The following NXPE2 variants were observed in gnomAD, a reference collection of about 807,000 sequenced individuals.
NXPE2 encodes neurexophilin and PC-esterase domain family member 2.
A neutral mutation model predicts 34.4 loss-of-function variants in NXPE2; 34 were observed. That is an observed-to-expected ratio of 0.99 (90% CI 0.75 to 1.31). The LOEUF (loss-of-function observed/expected upper bound fraction) is 1.31. NXPE2 is among the 40% of genes most tolerant of loss of function. The pLI, the probability that NXPE2 is intolerant of heterozygous loss-of-function variation, is 0.00. For synonymous variants in NXPE2, 235 were observed against 231.3 expected, an observed-to-expected ratio of 1.02 and a Z score of -0.15; for missense variants, 649 against 672.5, an observed-to-expected ratio of 0.97 and a Z score of 0.39.
chr11:114,554,836 A>C, the NXPE2 span, among the ~76,000 whole-genome samples: 4 of 152,126 alleles, frequency 2.6e-5, no homozygotes, highest in African/African-American at 9.7e-5. Flanking sequence ...TTTTTTTCCC[A>C]TTCAGGTTCA....
chr11:114,577,058 C>T, the NXPE2 span, among the ~76,000 whole-genome samples: 4,546 of 29,542 alleles, frequency 0.15, 448 homozygotes, highest in African/African-American at 0.43. Context: ...TATATATATA[C>T]ATATATATAT....
upstream of NXPE2, among the ~76,000 whole-genome samples, chr11:114,676,039 A>G (rs144479359): frequency 3.4e-4 from 52 of 152,092 alleles, no homozygotes; most frequent in Non-Finnish European, 5.9e-4. Context: ...ACAGAACTGC[A>G]TATCCACATG....
intron 3 of NXPE2, among the ~76,000 whole-genome samples, chr11:114,703,142 C>T (rs1184833938): frequency 2.0e-5 from 3 of 152,088 alleles, no homozygotes; most frequent in Non-Finnish European, 4.4e-5. Context: ...AAATAGACTC[C>T]TGGGAACTCA....
chr11:114,534,415 A>G, the NXPE2 span, among the ~76,000 whole-genome samples: 41 of 152,346 alleles, frequency 2.7e-4, no homozygotes, highest in Non-Finnish European at 5.6e-4. Flanking sequence ...CTCACCAGCA[A>G]CAGAACAAAG....
At chr11:114,776,414 G>A in the NXPE2 span, among the ~76,000 whole-genome samples, 35 of 152,398 alleles carry the variant, frequency 2.3e-4, 1 homozygote, top group East Asian at 5.4e-3. Context: ...CTTGCCTTGC[G>A]TGAAGCGCAG....
At chr11:114,493,368 T>C in the NXPE2 span, among the ~76,000 whole-genome samples, 1 of 152,256 alleles carries the variant, frequency 6.6e-6, no homozygotes, top group Non-Finnish European at 1.5e-5. Flanking sequence ...ATTTGTTTTC[T>C]GGTTACTTTC....
the NXPE2 span, among the ~76,000 whole-genome samples, chr11:114,645,605 T>C: frequency 6.6e-6 from 1 of 152,174 alleles, no homozygotes; most frequent in Non-Finnish European, 1.5e-5. Flanking sequence ...AGGCATAAGC[T>C]ATGTCCAATT....
chr11:114,761,097 C>T, the NXPE2 span, among the ~76,000 whole-genome samples: 2 of 152,154 alleles, frequency 1.3e-5, no homozygotes, highest in Non-Finnish European at 2.9e-5. Flanking sequence ...CACTAAGATC[C>T]CAGATACTTT....
chr11:114,648,911 T>A, the NXPE2 span, among the ~76,000 whole-genome samples: 1 of 151,690 alleles, frequency 6.6e-6, no homozygotes, highest in East Asian at 1.9e-4. Context: ...ACGAAGTCAA[T>A]ACATCTTATG....
the NXPE2 span, chr11:114,594,541 T>TAAA: frequency 1.5e-6 from 1 of 674,978 alleles, no homozygotes; most frequent in African/African-American, 1.8e-5. Flanking sequence ...TGTTGTTTGG[T>TAAA]ATCTAGCTAT....
the NXPE2 span, among the ~76,000 whole-genome samples, chr11:114,537,045 A>T: frequency 2.0e-5 from 3 of 152,328 alleles, no homozygotes; most frequent in East Asian, 5.8e-4. Context: ...AATACTGGCA[A>T]ACCGAATCCA....
At chr11:114,774,456 T>G in the NXPE2 span, among the ~76,000 whole-genome samples, 1 of 152,190 alleles carries the variant, frequency 6.6e-6, no homozygotes, top group Admixed American at 6.5e-5. Context: ...CTGCTAGTCA[T>G]GATTTTCCTG....
At chr11:114,672,512 CA>C in the NXPE2 span, among the ~76,000 whole-genome samples, 1 of 151,834 alleles carries the variant, frequency 6.6e-6, no homozygotes, top group Non-Finnish European at 1.5e-5. Flanking sequence ...ACAATCCAAT[CA>C]AAAGGCAGAA....
chr11:114,487,346 A>G, the NXPE2 span, among the ~76,000 whole-genome samples: 2 of 152,152 alleles, frequency 1.3e-5, no homozygotes, highest in African/African-American at 4.8e-5. Flanking sequence ...TTGATTTTGT[A>G]TCCTGCAAGT....
At chr11:114,533,065 T>G in the NXPE2 span, among the ~76,000 whole-genome samples, 2 of 152,152 alleles carry the variant, frequency 1.3e-5, no homozygotes, top group Non-Finnish European at 2.9e-5. Context: ...ATGTTCAACA[T>G]AACGTTAGAA....
chr11:114,590,475 A>C, the NXPE2 span, among the ~76,000 whole-genome samples: 2 of 152,170 alleles, frequency 1.3e-5, no homozygotes, highest in African/African-American at 2.4e-5. Context: ...GGTGAGATAG[A>C]TCATCCTCTA....
At chr11:114,799,424 C>T in the NXPE2 span, among the ~76,000 whole-genome samples, 1 of 151,828 alleles carries the variant, frequency 6.6e-6, no homozygotes, top group Non-Finnish European at 1.5e-5. Flanking sequence ...TCAAATATAT[C>T]AGAGAATGGA....
chr11:114,588,728 C>A, the NXPE2 span, among the ~76,000 whole-genome samples: 4 of 152,138 alleles, frequency 2.6e-5, no homozygotes, highest in Non-Finnish European at 5.9e-5. Flanking sequence ...CTTAACTACT[C>A]TAAACTGTCC....
At chr11:114,655,884 C>A in the NXPE2 span, among the ~76,000 whole-genome samples, 3 of 152,172 alleles carry the variant, frequency 2.0e-5, no homozygotes, top group Non-Finnish European at 2.9e-5. Flanking sequence ...AGGATGCCCT[C>A]TCTCATCACT....
Sources: gnomAD v4.1 joint callset for allele counts (sites outside exome capture counted in the v4.1 genomes callset) on GRCh38, gnomAD v4.1.1 for gene constraint, MANE v1.5 for transcripts, NCBI Gene and HGNC (gene_info 2026-07-23, HGNC 2026-07-21) for gene names.